SGCD: variants seen among roughly 807,000 people sequenced by gnomAD.
SGCD encodes delta-sarcoglycan.
SGCD carries 18 observed loss-of-function variants against 36.6 expected under a neutral mutation model. The ratio of observed to expected loss-of-function variants is 0.49; its 90% confidence interval spans 0.34 to 0.73. The LOEUF is 0.73. Among genes scored for constraint, SGCD ranks in the 30% least tolerant of loss-of-function variants. The pLI is 0.01. For missense variants in SGCD, 387 were observed against 346.7 expected, an observed-to-expected ratio of 1.12 and a Z score of -0.92; for synonymous variants, 133 against 130.6, an observed-to-expected ratio of 1.02 and a Z score of -0.12.
intron 3 of SGCD, among the ~76,000 whole-genome samples, chr5:156,357,492 C>T (rs1020420695): frequency 1.2e-4 from 18 of 152,132 alleles, no homozygotes; most frequent in African/African-American, 4.3e-4. Context: ...TAGCTAGGGT[C>T]AATGAGGAAT....
At chr5:155,816,840 A>T in the SGCD span, among the ~76,000 whole-genome samples, 1 of 152,210 alleles carries the variant, frequency 6.6e-6, no homozygotes, top group Non-Finnish European at 1.5e-5. Context: ...AATGGCTGCT[A>T]AAAAGTAGTT....
At chr5:156,559,160 G>T (rs1561778038) in intron 4 of SGCD, among the ~76,000 whole-genome samples, 1 of 152,114 alleles carries the variant, frequency 6.6e-6, no homozygotes, top group South Asian at 2.1e-4. Context: ...TTTATCAGGT[G>T]GTTGATATGG....
the SGCD span, among the ~76,000 whole-genome samples, chr5:155,830,280 T>G: frequency 6.6e-6 from 1 of 152,224 alleles, no homozygotes; most frequent in Non-Finnish European, 1.5e-5. Context: ...CTCCTTGTCT[T>G]GCAGAATACT....
chr5:155,811,019 G>A, the SGCD span, among the ~76,000 whole-genome samples: 7 of 149,010 alleles, frequency 4.7e-5, no homozygotes, highest in Admixed American at 1.3e-4. Flanking sequence ...GGGTTTCACC[G>A]TTTTAGCCGG....
chr5:156,296,700 T>C (rs780963226), intron 3 of SGCD, among the ~76,000 whole-genome samples: 1 of 152,186 alleles, frequency 6.6e-6, no homozygotes, highest in Non-Finnish European at 1.5e-5. Flanking sequence ...TCTTAATTTG[T>C]GGCATAACAT....
chr5:155,979,775 A>G (rs1758189464), intron 1 of SGCD, among the ~76,000 whole-genome samples: 1 of 152,126 alleles, frequency 6.6e-6, no homozygotes, highest in Non-Finnish European at 1.5e-5. Flanking sequence ...TGAATCCTTC[A>G]TTTCTGAAAG....
chr5:156,175,780 A>G (rs1763451464), intron 3 of SGCD, among the ~76,000 whole-genome samples: 1 of 152,182 alleles, frequency 6.6e-6, no homozygotes, highest in Non-Finnish European at 1.5e-5. Flanking sequence ...ATGAAGGTCA[A>G]TTAATATAAT....
intron 1 of SGCD, among the ~76,000 whole-genome samples, chr5:155,882,164 A>G (rs1755900444): frequency 6.6e-6 from 1 of 151,874 alleles, no homozygotes; most frequent in East Asian, 1.9e-4. Context: ...GCTGGAGTGC[A>G]CTGTCATGCT....
chr5:156,589,132 T>C (rs1282772165), intron 4 of SGCD, 99 bp from the exon 5 acceptor site: 1 of 809,734 alleles, frequency 1.2e-6, no homozygotes. Context: ...GATTGGAACT[T>C]GGCTAAAGCC....
At chr5:156,120,968 G>A (rs886257819) in intron 2 of SGCD, among the ~76,000 whole-genome samples, 1 of 152,084 alleles carries the variant, frequency 6.6e-6, no homozygotes, top group Non-Finnish European at 1.5e-5. Flanking sequence ...AAATTGCCGG[G>A]TACGAGAAAG....
intron 3 of SGCD, among the ~76,000 whole-genome samples, chr5:156,241,321 T>C (rs1408812765): frequency 6.6e-6 from 1 of 151,048 alleles, no homozygotes; most frequent in Non-Finnish European, 1.5e-5. Context: ...TTAGAACCAG[T>C]TGAAAGTTTG....
intron 7 of SGCD, among the ~76,000 whole-genome samples, chr5:156,694,063 C>T (rs2113712492): frequency 6.6e-6 from 1 of 152,292 alleles, no homozygotes. Flanking sequence ...GCCCTGGAGA[C>T]ATCTGCAATT....
intron 1 of SGCD, among the ~76,000 whole-genome samples, chr5:156,003,503 C>T (rs1758702550): frequency 6.6e-6 from 1 of 152,176 alleles, no homozygotes; most frequent in Non-Finnish European, 1.5e-5. Flanking sequence ...TGGGCTGGGG[C>T]TGACTGGAGG....
At chr5:155,857,752 CT>C in the SGCD span, among the ~76,000 whole-genome samples, 3 of 151,442 alleles carry the variant, frequency 2.0e-5, no homozygotes, top group South Asian at 6.3e-4. Flanking sequence ...CTTTCTCTTT[CT>C]TTTTTTGGTT....
chr5:156,378,564 C>T (rs1245957053), intron 3 of SGCD, among the ~76,000 whole-genome samples: 1 of 151,982 alleles, frequency 6.6e-6, no homozygotes, highest in Non-Finnish European at 1.5e-5. Context: ...CCCACCTATA[C>T]AGACCCCTGC....
intron 3 of SGCD, among the ~76,000 whole-genome samples, chr5:156,406,613 A>G (rs143620000): frequency 6.6e-6 from 1 of 151,752 alleles, no homozygotes; most frequent in African/African-American, 2.4e-5. Context: ...TTTCAAAAGC[A>G]CTTAGAGTGT....
At chr5:155,923,896 G>A (rs528716053) in intron 1 of SGCD, among the ~76,000 whole-genome samples, 36 of 152,266 alleles carry the variant, frequency 2.4e-4, no homozygotes, top group African/African-American at 8.2e-4. Flanking sequence ...TAAACACCCT[G>A]TTAGGTAAAG....
chr5:156,631,599 C>A (rs1435234558), intron 6 of SGCD, among the ~76,000 whole-genome samples: 1 of 150,978 alleles, frequency 6.6e-6, no homozygotes, highest in Non-Finnish European at 1.5e-5. Flanking sequence ...TAAAGGCTCA[C>A]AAAATGTGCT....
chr5:156,387,602 G>A lies in SGCD; in HGVS notation c.192+42925G>A, dbSNP rs376107883. Among the ~76,000 whole-genome samples, 27 of 152,322 alleles carry A rather than the reference G, an allele frequency of 1.8e-4. No homozygotes were observed. In the East Asian group the frequency reaches 4.2e-3, roughly 24 times the overall value. On this transcript the variant is annotated intron_variant, in intron 3 of 8. Transcript: ENST00000337851. ...ATTCTTTGCTAACTCTGTCTTAGCAGATGAAGAATTAGATGTTGAAGCATG... is the reference window on the plus strand; with the variant it reads ...ATTCTTTGCTAACTCTGTCTTAGCAAATGAAGAATTAGATGTTGAAGCATG...
Sources: allele counts gnomAD v4.1 joint callset (sites outside exome capture counted in the v4.1 genomes callset), GRCh38; gene constraint gnomAD v4.1.1; transcripts MANE v1.5; gene names NCBI Gene and HGNC (gene_info 2026-07-23, HGNC 2026-07-21).